Variants in MDGA1 observed in about 807,000 individuals in gnomAD.
MDGA1 encodes MAM domain containing glycosylphosphatidylinositol anchor 1.
MDGA1 carries 54 observed loss-of-function variants against 101.5 expected under a neutral mutation model. That is an observed-to-expected ratio of 0.53 (90% CI 0.43 to 0.67). The LOEUF (loss-of-function observed/expected upper bound fraction) is 0.67, where lower values mean the gene tolerates loss of function less well. MDGA1 is among the 30% of genes least tolerant of loss of function. The pLI, the probability that MDGA1 is intolerant of heterozygous loss-of-function variation, is 0.00. For synonymous variants in MDGA1, 533 were observed against 558.3 expected (o/e 0.95, Z 0.64); for missense variants, 1,083 against 1,323.8 (o/e 0.82, Z 2.82).
chr6:37,650,082 G>T lies in MDGA1; in HGVS notation c.1609+27C>A, dbSNP rs757564293. On this transcript the variant is annotated intron_variant, in intron 8 of 16. Coordinates refer to ENST00000434837, the MANE Select transcript of MDGA1 (RefSeq NM_153487.4). ...GGGAGCCAGAAGGAAAGCTGGGAAGGTAGTCCGGGTGGCGTGGTGGACTCA... is the reference window on the plus strand; with the variant it reads ...GGGAGCCAGAAGGAAAGCTGGGAAGTTAGTCCGGGTGGCGTGGTGGACTCA... 5.4e-5 allele frequency: 87 copies of T among 1,611,284 alleles called. 1 individual carries two copies. The East Asian group carries it at 1.8e-3, about 33-fold the overall frequency.
chr6:37,659,275 C>T (rs1280970358), intron 2 of MDGA1, among the ~76,000 whole-genome samples: 1 of 152,060 alleles, frequency 6.6e-6, no homozygotes, highest in Non-Finnish European at 1.5e-5. Flanking sequence ...GTTTGAAGCC[C>T]CTAAGTTTTG....
rs944346194 is a variant in MDGA1 at position 37,636,614 on chromosome 6, G to C, written c.*754C>G. On this transcript the variant is annotated 3_prime_UTR_variant, in exon 17 of 17. Coordinates refer to ENST00000434837, the MANE Select transcript of MDGA1 (RefSeq NM_153487.4). The stretch of plus-strand genomic sequence containing the variant: ...ACTGCTTGTAGGGTGGAGTGGGGAA[G>C]TTATCAGTCTTCAGACTGCCCAGGC... 1 of 152,618 alleles carries C rather than the reference G, an allele frequency of 6.6e-6. No individual in the cohort carries two copies. Among genetic ancestry groups the C allele is most frequent in the Non-Finnish European group, 1.5e-5 (1 of 68,082 alleles). 9.5% of individuals were successfully genotyped at this position (152,618 alleles called of 1,614,324 possible). A position where few individuals can be genotyped will look rare whatever the true frequency, so the allele number is the denominator to read the frequency against.
intron 7 of MDGA1, among the ~76,000 whole-genome samples, chr6:37,651,614 GTT>G (rs34961471): frequency 0.65 from 98,077 of 151,388 alleles, 32,425 homozygotes; most frequent in East Asian, 0.85. Context: ...CCCTGCTCTA[GTT>G]CTACTAAGAC....
chr6:37,682,060 C>A (rs1020340721), intron 1 of MDGA1, among the ~76,000 whole-genome samples: 1 of 152,236 alleles, frequency 6.6e-6, no homozygotes, highest in African/African-American at 2.4e-5. Flanking sequence ...CACACACACC[C>A]CTCTGCAAAT....
intron 2 of MDGA1, among the ~76,000 whole-genome samples, chr6:37,659,748 C>G (rs1761577500): frequency 6.6e-6 from 1 of 152,156 alleles, no homozygotes; most frequent in Admixed American, 6.5e-5. Context: ...TGTTGCTGCT[C>G]TCATCCCCTG....
At chr6:37,637,928 G>C (rs1763967173) in intron 16 of MDGA1, 1 of 561,376 alleles carries the variant, frequency 1.8e-6, no homozygotes, top group African/African-American at 1.9e-5. Context: ...GGTACGCACA[G>C]ATGTATTCAG....
chr6:37,650,966 G>C (rs780541015), intron 7 of MDGA1, among the ~76,000 whole-genome samples: 4 of 152,226 alleles, frequency 2.6e-5, no homozygotes, highest in Non-Finnish European at 2.9e-5. Context: ...AAATGAGGGC[G>C]TTTAAAAGAA....
chr6:37,683,634 C>T (rs371309374), intron 1 of MDGA1, among the ~76,000 whole-genome samples: 1 of 152,348 alleles, frequency 6.6e-6, no homozygotes, highest in African/African-American at 2.4e-5. Context: ...GTGACAGAGG[C>T]GGGGTGGGTG....
At chr6:37,690,593 A>G (rs1294735135) in intron 1 of MDGA1, among the ~76,000 whole-genome samples, 1 of 152,132 alleles carries the variant, frequency 6.6e-6, no homozygotes, top group Non-Finnish European at 1.5e-5. Context: ...CCTGGCTAAC[A>G]TGGTGAAACC....
chr6:37,682,110 A>G (rs981886048), intron 1 of MDGA1, among the ~76,000 whole-genome samples: 3 of 152,222 alleles, frequency 2.0e-5, no homozygotes, highest in African/African-American at 7.2e-5. Context: ...TGTGGAAGAG[A>G]GAGTAATCAC....
intron 1 of MDGA1, among the ~76,000 whole-genome samples, chr6:37,677,560 T>C (rs1377648287): frequency 6.6e-6 from 1 of 152,096 alleles, no homozygotes; most frequent in East Asian, 1.9e-4. Flanking sequence ...GTGTAGGAGA[T>C]AAAGGCAGCC....
Position 37,654,936 on chromosome 6 carries a change from G to A in MDGA1, c.580-4C>T. On this transcript the variant is annotated splice_polypyrimidine_tract_variant and splice_region_variant and intron_variant, in intron 4 of 16. Transcript: ENST00000434837. ...GCTTCAGGACCTTGGTCTCCCCCTG[G>A]GCAGCAGTGGACCACTGGGGTGAGG... 6.2e-7 allele frequency: 1 copy of A among 1,612,848 alleles called. No individual in the cohort carries two copies. Among genetic ancestry groups the A allele is most frequent in the East Asian group, 2.2e-5 (1 of 44,872 alleles).
chr6:37,685,994 C>T (rs374606569), intron 1 of MDGA1, among the ~76,000 whole-genome samples: 5 of 152,166 alleles, frequency 3.3e-5, no homozygotes, highest in Non-Finnish European at 5.9e-5. Flanking sequence ...GCCCCTAAAA[C>T]GGGTATTTGT....
At chr6:37,659,936 T>C (rs952993933) in intron 2 of MDGA1, among the ~76,000 whole-genome samples, 91 of 152,310 alleles carry the variant, frequency 6.0e-4, no homozygotes, top group African/African-American at 2.1e-3. Flanking sequence ...TTTGTCTAGA[T>C]GGAGTTTGTT....
intron 1 of MDGA1, among the ~76,000 whole-genome samples, chr6:37,674,903 A>G (rs1761945425): frequency 6.6e-6 from 1 of 152,128 alleles, no homozygotes; most frequent in African/African-American, 2.4e-5. Context: ...TAAAAATACA[A>G]AAAATTAGCT....
chr6:37,684,231 T>G (rs375590405), intron 1 of MDGA1, among the ~76,000 whole-genome samples: 1 of 152,302 alleles, frequency 6.6e-6, no homozygotes, highest in South Asian at 2.1e-4. Context: ...TGACAAGATG[T>G]TGGACCCGGT....
At chr6:37,679,068 G>C (rs998818711) in intron 1 of MDGA1, among the ~76,000 whole-genome samples, 1 of 151,910 alleles carries the variant, frequency 6.6e-6, no homozygotes, top group Non-Finnish European at 1.5e-5. Context: ...TGCAATACCT[G>C]CCCTCCTGCT....
chr6:37,647,265 G>C lies in MDGA1; in HGVS notation c.1954C>G (p.Leu652Val). The C allele has an allele frequency of 6.4e-7, 1 of 1,566,154 alleles. No homozygotes were observed. Among genetic ancestry groups the C allele is most frequent in the Non-Finnish European group, 8.7e-7 (1 of 1,155,516 alleles). The change falls in exon 10 of 17, where the codon CTG becomes GTG. Residue 652 changes from leucine (L) to valine (V), a missense_variant. Transcript: ENST00000434837. ...DTPNPTRSHK[L>V]SKNYSYVLQW... ...AGCACGTAGGAGTAGTTCTTGGACA[G>C]CTTGTGGCTGCGGGTGGGGTTGGGG...
intron 1 of MDGA1, among the ~76,000 whole-genome samples, chr6:37,687,710 G>T (rs1418799126): frequency 6.6e-6 from 1 of 151,992 alleles, no homozygotes; most frequent in Non-Finnish European, 1.5e-5. Flanking sequence ...GGGCTCAAGT[G>T]ATCCTCCCAT....
Sources: allele counts gnomAD v4.1 joint callset (sites outside exome capture counted in the v4.1 genomes callset), GRCh38; gene constraint gnomAD v4.1.1; transcripts MANE v1.5; gene names NCBI Gene and HGNC (gene_info 2026-07-23, HGNC 2026-07-21).